Variants in PDE4D observed in about 807,000 individuals in gnomAD.
The protein encoded by PDE4D is 3',5'-cyclic-AMP phosphodiesterase 4D.
PDE4D carries 24 observed loss-of-function variants against 87.4 expected under a neutral mutation model. The observed-to-expected ratio is 0.27, with a 90% CI of 0.20 to 0.39. The LOEUF is 0.39. Among genes scored for constraint, PDE4D ranks in the 10% least tolerant of loss-of-function variants. The pLI is 1.00. For missense variants in PDE4D, 714 were observed against 1,041.0 expected (o/e 0.69, Z 4.32); for synonymous variants, 384 against 383.2 (o/e 1.00, Z -0.02).
chr5:59,482,151 C>T (rs965679165), intron 1 of PDE4D, among the ~76,000 whole-genome samples: 2 of 152,150 alleles, frequency 1.3e-5, no homozygotes, highest in African/African-American at 2.4e-5. Context: ...TTCATACCCT[C>T]TCCAGCTTGT....
intron 1 of PDE4D, among the ~76,000 whole-genome samples, chr5:59,300,721 G>GT (rs1361928930): frequency 2.0e-5 from 3 of 152,010 alleles, no homozygotes; most frequent in Non-Finnish European, 4.4e-5. Context: ...TGGGTGTCCT[G>GT]TAATTCAGTT....
chr5:60,336,470 C>A (rs894646906), intron 1 of PDE4D, among the ~76,000 whole-genome samples: 1 of 152,202 alleles, frequency 6.6e-6, no homozygotes, highest in Non-Finnish European at 1.5e-5. Flanking sequence ...CAGACCACAT[C>A]CACCTATTTC....
chr5:59,077,227 C>T (rs1765834537), intron 5 of PDE4D, among the ~76,000 whole-genome samples: 1 of 152,006 alleles, frequency 6.6e-6, no homozygotes, highest in African/African-American at 2.4e-5. Flanking sequence ...AAATATTTAA[C>T]AACAAAATAA....
At chr5:59,188,333 T>C (rs1208758066) in intron 3 of PDE4D, among the ~76,000 whole-genome samples, 1 of 152,198 alleles carries the variant, frequency 6.6e-6, no homozygotes, top group East Asian at 1.9e-4. Flanking sequence ...ATGAGAAATA[T>C]ATATTCCTTA....
chr5:59,636,209 C>G (rs1233050266), intron 1 of PDE4D, among the ~76,000 whole-genome samples: 5 of 152,104 alleles, frequency 3.3e-5, no homozygotes, highest in African/African-American at 1.2e-4. Flanking sequence ...GAACTACAAA[C>G]CACTGCCCAA....
chr5:60,430,545 G>GTTTTTTTT (rs1303120305), intron 1 of PDE4D, among the ~76,000 whole-genome samples: 1 of 116,348 alleles, frequency 8.6e-6, no homozygotes, highest in African/African-American at 4.0e-5. Context: ...GTTTTTTTTT[G>GTTTTTTTT]TTTGTTTTTT....
At chr5:59,071,325 C>A (rs749337551) in intron 5 of PDE4D, among the ~76,000 whole-genome samples, 2 of 152,008 alleles carry the variant, frequency 1.3e-5, no homozygotes, top group African/African-American at 2.4e-5. Context: ...TGTCCTCCTG[C>A]AGTTTTCTCT....
intron 1 of PDE4D, among the ~76,000 whole-genome samples, chr5:60,261,191 G>A (rs764030325): frequency 3.3e-4 from 51 of 152,260 alleles, no homozygotes; most frequent in Middle Eastern, 6.8e-3. Flanking sequence ...TAGATTACAT[G>A]TGCATTGTTC....
At chr5:60,092,068 A>G (rs1190581678) in intron 2 of PDE4D, among the ~76,000 whole-genome samples, 2 of 149,532 alleles carry the variant, frequency 1.3e-5, no homozygotes, top group Non-Finnish European at 3.0e-5. Context: ...AAAAAAAAAA[A>G]AAAAAAAAAA....
At chr5:60,075,055 G>A (rs1245315593) in intron 2 of PDE4D, among the ~76,000 whole-genome samples, 3 of 152,148 alleles carry the variant, frequency 2.0e-5, no homozygotes, top group Non-Finnish European at 4.4e-5. Context: ...CATGTTGTTA[G>A]GTGGTTACTA....
chr5:59,037,621 G>T (rs1758754084), intron 6 of PDE4D, among the ~76,000 whole-genome samples: 2 of 152,208 alleles, frequency 1.3e-5, no homozygotes, highest in African/African-American at 2.4e-5. Context: ...TTGATCATCA[G>T]TGTGGACATG....
chr5:59,556,590 T>C (rs1818958466), intron 1 of PDE4D, among the ~76,000 whole-genome samples: 1 of 152,188 alleles, frequency 6.6e-6, no homozygotes, highest in Admixed American at 6.5e-5. Context: ...GAAAACTTAG[T>C]CTTTCCTGAG....
At chr5:59,853,501 A>T (rs923486045) in intron 1 of PDE4D, among the ~76,000 whole-genome samples, 3 of 152,074 alleles carry the variant, frequency 2.0e-5, no homozygotes, top group Non-Finnish European at 4.4e-5. Flanking sequence ...TCAGTTTCCT[A>T]TGCATATGTT....
At chr5:59,395,173 C>T (rs910803773) in intron 1 of PDE4D, among the ~76,000 whole-genome samples, 2 of 151,846 alleles carry the variant, frequency 1.3e-5, no homozygotes, top group African/African-American at 2.4e-5. Context: ...CACCATTGTC[C>T]AGGCTTGCTT....
intron 1 of PDE4D, among the ~76,000 whole-genome samples, chr5:59,232,966 C>A (rs1248217630): frequency 1.3e-5 from 2 of 152,024 alleles, no homozygotes; most frequent in African/African-American, 4.8e-5. Context: ...CATGTTCTCA[C>A]TCATAAGTGG....
At chr5:59,894,473 C>G (rs1161639441), upstream of PDE4D, among the ~76,000 whole-genome samples, 1 of 152,312 alleles carries the variant, frequency 6.6e-6, no homozygotes. Context: ...TTGTGTGGCT[C>G]TTTCCCACAG....
intron 3 of PDE4D, among the ~76,000 whole-genome samples, chr5:59,967,204 A>G (rs1760144151): frequency 6.6e-6 from 1 of 152,174 alleles, no homozygotes; most frequent in Non-Finnish European, 1.5e-5. Flanking sequence ...GAAAGAGGGA[A>G]GTAACTTCAG....
chr5:59,495,909 T>C (rs1807097718), intron 1 of PDE4D, among the ~76,000 whole-genome samples: 1 of 152,112 alleles, frequency 6.6e-6, no homozygotes, highest in Non-Finnish European at 1.5e-5. Flanking sequence ...TGTGCTACCA[T>C]GGGCTCTTTC....
At chr5:59,351,084 C>G (rs1483378579) in intron 1 of PDE4D, among the ~76,000 whole-genome samples, 2 of 152,290 alleles carry the variant, frequency 1.3e-5, no homozygotes, top group South Asian at 4.1e-4. Context: ...TTAGTGAAGA[C>G]TTGGAAAATG....
Sources: gnomAD v4.1 joint callset for allele counts (sites outside exome capture counted in the v4.1 genomes callset) on GRCh38, gnomAD v4.1.1 for gene constraint, MANE v1.5 for transcripts, NCBI Gene and HGNC (gene_info 2026-07-23, HGNC 2026-07-21) for gene names.